Variants in PARD3 observed in about 807,000 individuals in gnomAD.
PARD3 encodes par-3 family cell polarity regulator.
PARD3 carries 75 observed loss-of-function variants against 155.4 expected under a neutral mutation model. The ratio of observed to expected loss-of-function variants is 0.48; its 90% CI spans 0.40 to 0.58. The LOEUF is 0.58. Ranked by LOEUF, PARD3 falls within the 20% of genes least tolerant of loss-of-function variation. The pLI, the probability that PARD3 is intolerant of heterozygous loss-of-function variation, is 0.00. For synonymous variants in PARD3, 576 were observed against 610.5 expected, an observed-to-expected ratio of 0.94 and a Z score of 0.83; for missense variants, 1,642 against 1,721.7, an observed-to-expected ratio of 0.95 and a Z score of 0.82.
chr10:34,777,792 A>G (rs1243369676), intron 1 of PARD3, among the ~76,000 whole-genome samples: 1 of 151,938 alleles, frequency 6.6e-6, no homozygotes, highest in Non-Finnish European at 1.5e-5. Context: ...TCAGCCTCTC[A>G]AAGTGTTGGG....
At chr10:34,755,824 T>A (rs1836640369) in intron 1 of PARD3, among the ~76,000 whole-genome samples, 1 of 152,034 alleles carries the variant, frequency 6.6e-6, no homozygotes, top group African/African-American at 2.4e-5. Context: ...AAAACTAAAA[T>A]GATAATGACA....
chr10:34,273,115 G>A (rs188590710), intron 21 of PARD3, among the ~76,000 whole-genome samples: 6 of 152,108 alleles, frequency 3.9e-5, no homozygotes, highest in East Asian at 1.9e-4. Context: ...TGTGCCTCCC[G>A]GTACGTATCC....
chr10:34,195,295 A>G (rs1950887574), intron 22 of PARD3, among the ~76,000 whole-genome samples: 1 of 152,092 alleles, frequency 6.6e-6, no homozygotes, highest in African/African-American at 2.4e-5. Flanking sequence ...CTGACAGGGG[A>G]TTTTCTTCAC....
At chr10:34,286,356 G>A (rs1191451613) in intron 20 of PARD3, among the ~76,000 whole-genome samples, 1 of 151,424 alleles carries the variant, frequency 6.6e-6, no homozygotes, top group Non-Finnish European at 1.5e-5. Context: ...TTATACTCAG[G>A]TAACGAATTA....
chr10:34,165,944 AAGAAAG>A (rs1367056750), intron 22 of PARD3, among the ~76,000 whole-genome samples: 1 of 152,226 alleles, frequency 6.6e-6, no homozygotes, highest in Non-Finnish European at 1.5e-5. Context: ...ATACATATAC[AAGAAAG>A]AGCTATATTT....
At chr10:34,342,775 C>G (rs1204414634) in intron 15 of PARD3, among the ~76,000 whole-genome samples, 3 of 152,158 alleles carry the variant, frequency 2.0e-5, no homozygotes, top group African/African-American at 7.2e-5. Context: ...GGATAACCCA[C>G]AAAAAGTAAA....
At chr10:34,728,467 C>T (rs1460331763) in intron 1 of PARD3, among the ~76,000 whole-genome samples, 1 of 152,118 alleles carries the variant, frequency 6.6e-6, no homozygotes, top group African/African-American at 2.4e-5. Context: ...AAAAAAAACA[C>T]CAAACCTCTC....
At chr10:34,291,745 T>C (rs1026976122) in intron 20 of PARD3, among the ~76,000 whole-genome samples, 4 of 152,206 alleles carry the variant, frequency 2.6e-5, no homozygotes, top group African/African-American at 9.6e-5. Context: ...AATAAATCTA[T>C]GTTTAAATAC....
intron 4 of PARD3, among the ~76,000 whole-genome samples, chr10:34,458,122 T>TA (rs2077432110): frequency 6.6e-6 from 1 of 152,246 alleles, no homozygotes; most frequent in Non-Finnish European, 1.5e-5. Context: ...TATACAGTGT[T>TA]ACGAATAATC....
rs398013195 is a variant in PARD3, at chr10:34,606,638, C to CAAAAAAA, written c.223-89486_223-89480dup. Among the ~76,000 whole-genome samples the CAAAAAAA allele has an allele frequency of 1.7e-3, 137 of 79,628 alleles. 2 individuals carry two copies. The highest frequency in any genetic ancestry group is 6.1e-3 in the African/African-American group (127 of 20,838). 52.2% of individuals were successfully genotyped at this position (79,628 alleles called of 152,430 possible). A position where few individuals can be genotyped will look rare whatever the true frequency, so the allele number is the denominator to read the frequency against. On this transcript the variant is annotated intron_variant, in intron 2 of 24. Transcript: ENST00000374788. The stretch of plus-strand genomic sequence containing the variant: ...CAACATAGTGAGACCCCCGTGTCTT[C>CAAAAAAA]AAAAAAAAAAAAAAAAAAAAAAAAG...
chr10:34,567,850 A>C (rs2086080583), intron 2 of PARD3, among the ~76,000 whole-genome samples: 1 of 152,202 alleles, frequency 6.6e-6, no homozygotes, highest in African/African-American at 2.4e-5. Context: ...ATTATCCTCC[A>C]GCCATCTGTC....
At chr10:34,129,405 G>T (rs1048233149) in intron 23 of PARD3, among the ~76,000 whole-genome samples, 1 of 152,138 alleles carries the variant, frequency 6.6e-6, no homozygotes, top group African/African-American at 2.4e-5. Context: ...AGCCCACCTT[G>T]ACCTCGCAAA....
intron 1 of PARD3, among the ~76,000 whole-genome samples, chr10:34,769,069 C>G (rs1838503312): frequency 6.6e-6 from 1 of 152,232 alleles, no homozygotes; most frequent in African/African-American, 2.4e-5. Flanking sequence ...CCCACCGTCT[C>G]TCAATCTCAA....
intron 4 of PARD3, among the ~76,000 whole-genome samples, chr10:34,459,333 A>AT (rs545601200): frequency 0.031 from 4,531 of 147,700 alleles, 219 homozygotes; most frequent in African/African-American, 0.1. Context: ...TGCCCAGCTA[A>AT]TTTTTTTTTT....
intron 11 of PARD3, among the ~76,000 whole-genome samples, chr10:34,373,114 A>T (rs988326288): frequency 6.6e-6 from 1 of 152,116 alleles, no homozygotes; most frequent in African/African-American, 2.4e-5. Context: ...AAACACAGAC[A>T]CCCCAAACAG....
chr10:34,699,401 G>A (rs1430056243), intron 1 of PARD3, among the ~76,000 whole-genome samples: 1 of 152,010 alleles, frequency 6.6e-6, no homozygotes, highest in African/African-American at 2.4e-5. Context: ...TTAAAAACCA[G>A]GAAGGATATT....
chr10:34,779,221 G>A (rs1221333371), intron 1 of PARD3, among the ~76,000 whole-genome samples: 2 of 152,054 alleles, frequency 1.3e-5, no homozygotes, highest in African/African-American at 2.4e-5. Flanking sequence ...CAGGAGAATC[G>A]CTTGAACCTG....
At position 34,725,105 on chromosome 10, in the gene PARD3, T is replaced by G. The variant is rs368367514; in HGVS notation, c.121-28686A>C. Reference sequence around the variant, plus strand: ...TAAAAGGATTGAATGAGTCAAAACTTTGTGTGTGTGTGTGTGTGTGTGTGT... The same window carrying G: ...TAAAAGGATTGAATGAGTCAAAACTGTGTGTGTGTGTGTGTGTGTGTGTGT... On this transcript the variant is annotated intron_variant, in intron 1 of 24. Transcript: ENST00000374788. Among the ~76,000 whole-genome samples the G allele has an allele frequency of 4.3e-3, 591 of 135,890 alleles. 7 individuals are homozygous for G. The highest frequency in any genetic ancestry group is 0.016 in the African/African-American group (562 of 35,738). 89.1% of individuals were successfully genotyped at this position (135,890 alleles called of 152,430 possible). A position where few individuals can be genotyped will look rare whatever the true frequency, so the allele number is the denominator to read the frequency against.
chr10:34,202,370 G>C (rs924920605), intron 22 of PARD3, among the ~76,000 whole-genome samples: 1 of 152,162 alleles, frequency 6.6e-6, no homozygotes, highest in Non-Finnish European at 1.5e-5. Context: ...ACTGCATTTG[G>C]TGAAAATATT....
Sources: gnomAD v4.1 joint callset for allele counts (sites outside exome capture counted in the v4.1 genomes callset) on GRCh38, gnomAD v4.1.1 for gene constraint, MANE v1.5 for transcripts, NCBI Gene and HGNC (gene_info 2026-07-23, HGNC 2026-07-21) for gene names.